BMP3: variants seen among roughly 807,000 people sequenced by gnomAD.
The protein encoded by BMP3 is bone morphogenetic protein 3 (osteogenic).
BMP3 carries 23 observed loss-of-function variants against 38.1 expected under a neutral mutation model. The observed-to-expected ratio is 0.60, with a 90% CI of 0.43 to 0.86. The LOEUF is 0.86. Ranked by LOEUF, BMP3 falls within the 40% of genes least tolerant of loss-of-function variation. The probability of loss-of-function intolerance (pLI) is 0.00; values close to 1 mark genes in which losing one functional copy is unlikely to be tolerated. For missense variants in BMP3, 628 were observed against 579.6 expected (o/e 1.08, Z -0.86); for synonymous variants, 258 against 225.7 (o/e 1.14, Z -1.28).
At chr4:81,035,394 A>G (rs982881683) in intron 1 of BMP3, among the ~76,000 whole-genome samples, 6 of 152,074 alleles carry the variant, frequency 3.9e-5, no homozygotes, top group African/African-American at 2.4e-5. Flanking sequence ...ATATTTGTAC[A>G]CTAGAAATAG....
intron 1 of BMP3, among the ~76,000 whole-genome samples, chr4:81,044,415 T>A (rs1381482963): frequency 6.6e-6 from 1 of 152,214 alleles, no homozygotes; most frequent in Non-Finnish European, 1.5e-5. Flanking sequence ...TTATTCCACT[T>A]CCAGGAAGCC....
chr4:81,042,152 A>C (rs1740095047), intron 1 of BMP3, among the ~76,000 whole-genome samples: 1 of 152,214 alleles, frequency 6.6e-6, no homozygotes, highest in Non-Finnish European at 1.5e-5. Flanking sequence ...AGTCACTTTA[A>C]CACACACTGG....
chr4:81,054,477 T>C lies in BMP3; in HGVS notation c.*941T>C, dbSNP rs1740494114. The C allele has an allele frequency of 2.0e-5, 3 of 152,228 alleles. No individual in the cohort carries two copies. In the South Asian group the frequency reaches 6.2e-4, roughly 32 times the overall value. 9.4% of individuals were successfully genotyped at this position (152,228 alleles called of 1,614,324 possible). On this transcript the variant is annotated 3_prime_UTR_variant, in exon 3 of 3. Transcript: ENST00000282701. ...CATTAACTCTTTAATTCTCCTGATATGCCTTTACTTCCTATGAAGTTATTG... is the reference window on the plus strand; with the variant it reads ...CATTAACTCTTTAATTCTCCTGATACGCCTTTACTTCCTATGAAGTTATTG...
At position 81,045,897 on chromosome 4, in the gene BMP3, A is replaced by G. The variant is rs569921214; in HGVS notation, c.476A>G (p.Lys159Arg). 324 of 1,614,118 alleles carry G rather than the reference A, an allele frequency of 2.0e-4. 4 individuals carry two copies. In the South Asian group the frequency reaches 3.4e-3, roughly 17 times the overall value. The part of the protein sequence containing the change: ...SGGCSHHAQR[K>R]HIQIDLSAWT... The stretch of plus-strand genomic sequence containing the variant: ...GGATGCTCCCATCATGCTCAGAGGA[A>G]ACACATTCAGATTGATCTTTCTGCA... Residue 159 changes from lysine (K) to arginine (R), a missense_variant, in exon 2 of 3, where the codon AAA becomes AGA. Lys to Arg is a conservative substitution (Grantham distance 26). Coordinates refer to ENST00000282701, the MANE Select transcript of BMP3 (RefSeq NM_001201.5).
chr4:81,043,712 C>T lies in BMP3; in HGVS notation c.317-2026C>T, dbSNP rs779914394. 5.3e-5 allele frequency among the ~76,000 whole-genome samples: 8 copies of T among 151,762 alleles called. No homozygotes were observed. The East Asian group carries it at 7.8e-4, about 15-fold the overall frequency. On this transcript the variant is annotated intron_variant, in intron 1 of 2. Transcript: ENST00000282701. ...AAGCGATTCTCCTGCCTCAGCCTCC[C>T]GAGTAGCTGGGATTACAGGTGTGTG...
In BMP3 at chr4:81,056,698, C is replaced by T. The variant is rs1740580108; in HGVS notation, c.*3162C>T. On this transcript the variant is annotated 3_prime_UTR_variant, in exon 3 of 3. Coordinates refer to ENST00000282701, the MANE Select transcript of BMP3 (RefSeq NM_001201.5). ...GATTCCTCAGATCTCAGGACTATAA[C>T]ATTCCAGATAAATTTTTACATTCCC... 1 of 152,524 alleles carries T rather than the reference C, an allele frequency of 6.6e-6. No homozygotes were observed. The highest frequency in any genetic ancestry group is 6.6e-5 in the Admixed American group (1 of 15,256). The allele number at this position is 152,524 out of a possible 1,614,324, so 9.4% of individuals were successfully genotyped here.
At chr4:81,040,777 G>A (rs1740051717) in intron 1 of BMP3, among the ~76,000 whole-genome samples, 1 of 152,130 alleles carries the variant, frequency 6.6e-6, no homozygotes, top group East Asian at 1.9e-4. Context: ...GATGATCAGT[G>A]TAGCATACAA....
Position 81,031,501 on chromosome 4 carries a change from G to A in BMP3, c.217G>A (p.Ala73Thr), listed in dbSNP as rs780687764. ...TGACAGGTACAGCACGGTCCAGGCG[G>A]CCCGGACACCGGGCTCCCTGGAGGG... ...LYDRYSTVQA[A>T]RTPGSLEGGS... The change falls in exon 1 of 3, where the codon GCC (alanine) becomes ACC (threonine). Residue 73 changes from alanine to threonine, a missense_variant. Physicochemically the swap from Ala to Thr is moderately conservative, Grantham distance 58. Transcript: ENST00000282701. The A allele has an allele frequency of 1.1e-5, 17 of 1,612,816 alleles. No individual in the cohort carries two copies. Among genetic ancestry groups the A allele is most frequent in the East Asian group, 2.2e-5 (1 of 44,806 alleles).
In BMP3 at chr4:81,046,133, C is replaced by T. The variant is rs766425555; in HGVS notation, c.712C>T (p.Pro238Ser). ...LPKRRLPFPE[P>S]YILVYANDAA... ...AAAGAGGAGGTTACCTTTTCCAGAG[C>T]CTTATATCTTGGTATATGCCAATGA... is the stretch of plus-strand genomic sequence containing the variant. Residue 238 changes from proline (P) to serine (S), a missense_variant, in exon 2 of 3, where the codon CCT becomes TCT. Pro to Ser is a moderately conservative substitution (Grantham distance 74, BLOSUM62 -1). Coordinates refer to ENST00000282701, the MANE Select transcript of BMP3 (RefSeq NM_001201.5). 3.7e-6 allele frequency: 6 copies of T among 1,614,098 alleles called. 1 individual carries two copies. Among genetic ancestry groups the T allele is most frequent in the Non-Finnish European group, 5.1e-6 (6 of 1,180,018 alleles).
intron 1 of BMP3, among the ~76,000 whole-genome samples, chr4:81,033,274 C>T (rs1366192269): frequency 6.6e-6 from 1 of 152,168 alleles, no homozygotes; most frequent in Non-Finnish European, 1.5e-5. Context: ...GTTTCATTCA[C>T]GTATTGTATA....
chr4:81,039,405 C>T (rs1323443001), intron 1 of BMP3, among the ~76,000 whole-genome samples: 1 of 152,158 alleles, frequency 6.6e-6, no homozygotes, highest in Non-Finnish European at 1.5e-5. Flanking sequence ...ATTGTATGTT[C>T]TAATTCCCCT....
chr4:81,055,838 G>C lies in BMP3; in HGVS notation c.*2302G>C, dbSNP rs935002118. ...ACTAGTTAAGATTATATTTTAAGTA[G>C]CAATTGATATAAAATTACAACACAA... is the stretch of plus-strand genomic sequence containing the variant. On this transcript the variant is annotated 3_prime_UTR_variant, in exon 3 of 3. Coordinates refer to ENST00000282701, the MANE Select transcript of BMP3 (RefSeq NM_001201.5). 1 of 152,084 alleles carries C rather than the reference G, an allele frequency of 6.6e-6. No individual in the cohort carries two copies. Among genetic ancestry groups the C allele is most frequent in the African/African-American group, 2.4e-5 (1 of 41,434 alleles). The allele number at this position is 152,084 out of a possible 1,614,324, so 9.4% of individuals were successfully genotyped here.
chr4:81,048,894 C>T (rs1490033107), intron 2 of BMP3, among the ~76,000 whole-genome samples: 1 of 152,106 alleles, frequency 6.6e-6, no homozygotes, highest in Non-Finnish European at 1.5e-5. Context: ...TAACAAGTTC[C>T]TAGGTGATGC....
intron 2 of BMP3, 59 bp downstream of exon 2, chr4:81,046,707 T>A: frequency 6.6e-7 from 1 of 1,525,718 alleles, no homozygotes; most frequent in Non-Finnish European, 8.8e-7. Context: ...AAAGACACAT[T>A]GACTAAGTTA....
intron 1 of BMP3, among the ~76,000 whole-genome samples, chr4:81,041,739 A>G (rs996232142): frequency 6.6e-6 from 1 of 152,184 alleles, no homozygotes; most frequent in Non-Finnish European, 1.5e-5. Context: ...AAGCTTCCAG[A>G]CATACAGCAT....
Position 81,053,606 on chromosome 4 carries a change from T to TTTTG in BMP3, c.*73_*74insGTTT. 2.6e-6 allele frequency: 2 copies of TTTTG among 754,904 alleles called. No individual in the cohort carries two copies. Among genetic ancestry groups the TTTTG allele is most frequent in the Admixed American group, 3.5e-5 (1 of 28,980 alleles). 46.8% of individuals were successfully genotyped at this position (754,904 alleles called of 1,614,324 possible). ...ATTTTTATGGACTTCTTCCTGTTTTTTTTTTTTTTTTTTTTGCACTGCCAA... is the reference window on the plus strand; with the variant it reads ...ATTTTTATGGACTTCTTCCTGTTTTTTTTGTTTTTTTTTTTTTTTGCACTGCCAA... On this transcript the variant is annotated 3_prime_UTR_variant, in exon 3 of 3. Transcript: ENST00000282701.
rs200995746 is a variant in BMP3 at position 81,046,452 on chromosome 4, G to A, written c.1031G>A (p.Arg344Gln). Reference sequence around the variant, plus strand: ...AAGAAACAGAGAAAGGGGCCTCATCGGAAGAGCCAGACGCTCCAATTTGAT... The same window carrying A: ...AAGAAACAGAGAAAGGGGCCTCATCAGAAGAGCCAGACGCTCCAATTTGAT... ...NKKKQRKGPHRKSQTLQFDEQ... is the reference protein window; with the variant it reads ...NKKKQRKGPHQKSQTLQFDEQ... The change falls in exon 2 of 3, where the codon CGG becomes CAG. Residue 344 changes from arginine to glutamine, a missense_variant. Physicochemically the swap from Arg to Gln is conservative, Grantham distance 43. Coordinates refer to ENST00000282701, the MANE Select transcript of BMP3 (RefSeq NM_001201.5). 75 of 1,613,866 alleles carry A rather than the reference G, an allele frequency of 4.6e-5. No homozygotes were observed. The highest frequency in any genetic ancestry group is 5.7e-5 in the Non-Finnish European group (67 of 1,179,986).
chr4:81,046,056 A>T lies in BMP3; in HGVS notation c.635A>T (p.Asn212Ile). Residue 212 changes from asparagine (N) to isoleucine (I), a missense_variant, in exon 2 of 3, where the codon AAT becomes ATT. Transcript: ENST00000282701. ...CAACTCTTGAGGAAGGCCAAAGAAA[A>T]TGAAGAGTTCCTCATAGGATTTAAC... ...ITQLLRKAKE[N>I]EEFLIGFNIT... 1 of 1,614,162 alleles carries T rather than the reference A, an allele frequency of 6.2e-7. No individual in the cohort carries two copies. Among genetic ancestry groups the T allele is most frequent in the South Asian group, 1.1e-5 (1 of 91,086 alleles).
intron 2 of BMP3, 112 bp from the exon 3 acceptor site, chr4:81,053,233 T>C: frequency 1.3e-6 from 1 of 763,502 alleles, no homozygotes; most frequent in South Asian, 3.0e-5. Flanking sequence ...CCAGAGGTTT[T>C]ATTAAATTGT....
Sources: allele counts gnomAD v4.1 joint callset (sites outside exome capture counted in the v4.1 genomes callset), GRCh38; gene constraint gnomAD v4.1.1; transcripts MANE v1.5; gene names NCBI Gene and HGNC (gene_info 2026-07-23, HGNC 2026-07-21).